Variants in FBH1 observed in about 807,000 individuals in gnomAD.
FBH1 encodes DNA 3'-5' helicase 1.
FBH1 carries 43 observed loss-of-function variants against 115.5 expected under a neutral mutation model. That is an observed-to-expected ratio of 0.37 (90% confidence interval 0.29 to 0.48). FBH1 has a LOEUF of 0.48. FBH1 is among the 20% of genes least tolerant of loss of function. The probability of loss-of-function intolerance (pLI) is 0.99; values close to 1 mark genes in which losing one functional copy is unlikely to be tolerated. For synonymous variants in FBH1, 524 were observed against 507.8 expected (o/e 1.03, Z -0.43); for missense variants, 1,001 against 1,337.3 (o/e 0.75, Z 3.92).
intron 3 of FBH1, among the ~76,000 whole-genome samples, chr10:5,907,297 G>A (rs1843756058): frequency 6.6e-6 from 1 of 151,904 alleles, no homozygotes; most frequent in African/African-American, 2.4e-5. Context: ...TTGAGTGTAA[G>A]CATTTATAGC....
intron 1 of FBH1, among the ~76,000 whole-genome samples, chr10:5,896,831 C>T (rs531248156): frequency 6.6e-6 from 1 of 152,218 alleles, no homozygotes; most frequent in South Asian, 2.1e-4. Context: ...ATGCCCTTTA[C>T]AGGAGGTGTA....
intron 3 of FBH1, among the ~76,000 whole-genome samples, chr10:5,907,494 GAC>G (rs1843778787): frequency 8.4e-6 from 1 of 118,396 alleles, no homozygotes; most frequent in South Asian, 2.9e-4. Flanking sequence ...TTTTTTTTGA[GAC>G]AGAGTCTTGC....
In FBH1 at chr10:5,909,508, A is replaced by C. The variant is rs189721299; in HGVS notation, c.1020+214A>C. The C allele has an allele frequency of 5.9e-6, 3 of 509,076 alleles. No individual in the cohort carries two copies. Among genetic ancestry groups the C allele is most frequent in the Non-Finnish European group, 9.9e-6 (3 of 302,960 alleles). The allele number at this position is 509,076 out of a possible 1,614,324, so 31.5% of individuals were successfully genotyped here. A position where few individuals can be genotyped will look rare whatever the true frequency, so the allele number is the denominator to read the frequency against. ...CTTAGATGTAGATGAAATTTTAACA[A>C]ATCATTTAGTCTGATTTCCCATTTG... On this transcript the variant is annotated intron_variant, in intron 5 of 20. Coordinates refer to ENST00000362091, the MANE Select transcript of FBH1 (RefSeq NM_178150.3). The surrounding 1 kb of genome is among the most constrained non-coding windows in gnomAD (Gnocchi z 4.4).
intron 13 of FBH1, among the ~76,000 whole-genome samples, chr10:5,919,890 C>T (rs1023496336): frequency 3.9e-5 from 6 of 152,164 alleles, no homozygotes; most frequent in African/African-American, 1.4e-4. Flanking sequence ...TCCCATATAT[C>T]CTGTACTCAG....
rs1442805861 is a variant in FBH1 at position 5,921,901 on chromosome 10, T to G, written c.2322+332T>G. On this transcript the variant is annotated intron_variant, in intron 15 of 20. Transcript: ENST00000362091. This position sits in a 1 kb window ranked among gnomAD's most constrained non-coding sequence, Gnocchi z 6.4. ...GTGTTGTCATTAGTGTGAGAACAGCTGAGCTGACAACACGCAGAGTACACA... is the reference window on the plus strand; with the variant it reads ...GTGTTGTCATTAGTGTGAGAACAGCGGAGCTGACAACACGCAGAGTACACA... 3.3e-5 allele frequency among the ~76,000 whole-genome samples: 5 copies of G among 152,232 alleles called. No homozygotes were observed. The highest frequency in any genetic ancestry group is 3.3e-4 in the Admixed American group (5 of 15,278).
rs992000335 is a variant in FBH1, at chr10:5,906,803, C to G, written c.753+171C>G. Among the ~76,000 whole-genome samples, 1 of 152,180 alleles carries G rather than the reference C, an allele frequency of 6.6e-6. No individual in the cohort carries two copies. Among genetic ancestry groups the G allele is most frequent in the South Asian group, 2.1e-4 (1 of 4,826 alleles). On this transcript the variant is annotated intron_variant, in intron 3 of 20. Coordinates refer to ENST00000362091, the MANE Select transcript of FBH1 (RefSeq NM_178150.3). The surrounding 1 kb of genome is among the most constrained non-coding windows in gnomAD (Gnocchi z 7.3). The stretch of plus-strand genomic sequence containing the variant: ...TCCGTGTCTGCCCCACCCTATGACT[C>G]TAGCCTCTTTGTTCACTTCCACTCA...
rs1832325186 is a variant in FBH1 at position 5,921,684 on chromosome 10, G to T, written c.2322+115G>T. 2 of 1,399,440 alleles carry T rather than the reference G, an allele frequency of 1.4e-6. No homozygotes were observed. Among genetic ancestry groups the T allele is most frequent in the African/African-American group, 3.0e-5 (2 of 67,662 alleles). 86.7% of individuals were successfully genotyped at this position (1,399,440 alleles called of 1,614,324 possible). On this transcript the variant is annotated intron_variant, in intron 15 of 20. Coordinates refer to ENST00000362091, the MANE Select transcript of FBH1 (RefSeq NM_178150.3). The surrounding 1 kb of genome is among the most constrained non-coding windows in gnomAD (Gnocchi z 6.4). ...CATGCAAGAAAGCATTTGGGTTTTT[G>T]ACTCTTTCCACCAGGCTGCACCATG...
chr10:5,921,379 CTCTTT>C lies in FBH1; in HGVS notation c.2200+24_2200+28del. The stretch of plus-strand genomic sequence containing the variant: ...CAGAGTAAGGCTTTTAGTTACTCTT[CTCTTT>C]TGTGTTACAAAAGTTTTCCTCTTTA... On this transcript the variant is annotated intron_variant, in intron 14 of 20. Transcript: ENST00000362091. This position sits in a 1 kb window ranked among gnomAD's most constrained non-coding sequence, Gnocchi z 6.4. 6.2e-7 allele frequency: 1 copy of C among 1,611,786 alleles called. No individual in the cohort carries two copies. Among genetic ancestry groups the C allele is most frequent in the Non-Finnish European group, 8.5e-7 (1 of 1,179,478 alleles).
In FBH1 at chr10:5,923,971, A is replaced by G. The variant is rs983006138; in HGVS notation, c.2398+275A>G. ...TGCATCCTTCTGTCTGCCTGGGCCA[A>G]TTTATACGTTGATACTTCCACGTGG... is the stretch of plus-strand genomic sequence containing the variant. On this transcript the variant is annotated intron_variant, in intron 16 of 20. Transcript: ENST00000362091. The surrounding 1 kb of genome is among the most constrained non-coding windows in gnomAD (Gnocchi z 5.7). 8.9e-6 allele frequency: 5 copies of G among 559,424 alleles called. No homozygotes were observed. The highest frequency in any genetic ancestry group is 6.0e-5 in the East Asian group (2 of 33,578). 34.7% of individuals were successfully genotyped at this position (559,424 alleles called of 1,614,324 possible). A position where few individuals can be genotyped will look rare whatever the true frequency, so the allele number is the denominator to read the frequency against.
chr10:5,915,017 C>G lies in FBH1; in HGVS notation c.1397-386C>G, dbSNP rs953141725. On this transcript the variant is annotated intron_variant, in intron 8 of 20. Transcript: ENST00000362091. This position sits in a 1 kb window ranked among gnomAD's most constrained non-coding sequence, Gnocchi z 5.2. ...TAGGTGGTGGAGGTGGAATTCAAAG[C>G]TGGACCTGTCTCTCTCCAGAGACAT... Among the ~76,000 whole-genome samples, 9 of 152,192 alleles carry G rather than the reference C, an allele frequency of 5.9e-5. No homozygotes were observed. Among genetic ancestry groups the G allele is most frequent in the Non-Finnish European group, 1.0e-4 (7 of 68,026 alleles).
chr10:5,892,871 C>T (rs1842812569), intron 1 of FBH1, among the ~76,000 whole-genome samples: 1 of 152,210 alleles, frequency 6.6e-6, no homozygotes, highest in Non-Finnish European at 1.5e-5. Flanking sequence ...TACTCTCAGG[C>T]CTTTGCCAAT....
chr10:5,891,562 C>G (rs1037425537), intron 1 of FBH1, among the ~76,000 whole-genome samples: 1 of 152,150 alleles, frequency 6.6e-6, no homozygotes, highest in Non-Finnish European at 1.5e-5. Context: ...TCTCTAGTTT[C>G]CCTGTTTTTT....
Position 5,921,592 on chromosome 10 carries a change from C to G in FBH1, c.2322+23C>G. The G allele has an allele frequency of 8.2e-6, 13 of 1,584,362 alleles. No homozygotes were observed. Among genetic ancestry groups the G allele is most frequent in the South Asian group, 5.9e-5 (5 of 85,044 alleles). ...GGGGTAAGAGTACATTTCTGTTGAC[C>G]ACTTCATGCACAGAAACGTTGTAGA... On this transcript the variant is annotated intron_variant, in intron 15 of 20. Transcript: ENST00000362091. This position sits in a 1 kb window ranked among gnomAD's most constrained non-coding sequence, Gnocchi z 6.4.
intron 2 of FBH1, chr10:5,905,081 T>G (rs887823012): frequency 6.6e-6 from 1 of 152,262 alleles, no homozygotes; most frequent in African/African-American, 2.4e-5. Flanking sequence ...TTTACATTTG[T>G]CTCAGAATCA....
In FBH1 at chr10:5,936,983, C is replaced by A; in HGVS notation, c.2962-127C>A. 1.8e-6 allele frequency: 2 copies of A among 1,108,690 alleles called. No individual in the cohort carries two copies. The highest frequency in any genetic ancestry group is 2.5e-6 in the Non-Finnish European group (2 of 790,958). 68.7% of individuals were successfully genotyped at this position (1,108,690 alleles called of 1,614,324 possible). On this transcript the variant is annotated intron_variant, in intron 20 of 20. Coordinates refer to ENST00000362091, the MANE Select transcript of FBH1 (RefSeq NM_178150.3). The surrounding 1 kb of genome is among the most constrained non-coding windows in gnomAD (Gnocchi z 5.6). Reference sequence around the variant, plus strand: ...GGTGTTACTCTGAGGATGTGCACCCCTCTGAAAACATCAGAATCCAAATGC... The same window carrying A: ...GGTGTTACTCTGAGGATGTGCACCCATCTGAAAACATCAGAATCCAAATGC...
At chr10:5,903,517 C>G (rs982204385) in intron 2 of FBH1, among the ~76,000 whole-genome samples, 2 of 151,484 alleles carry the variant, frequency 1.3e-5, no homozygotes, top group African/African-American at 4.9e-5. Context: ...TTAGTAGAGA[C>G]GGGGTTTCTC....
At position 5,900,395 on chromosome 10, in the gene FBH1, A is replaced by G. The variant is rs554416281; in HGVS notation, c.2-2625A>G. On this transcript the variant is annotated intron_variant, in intron 1 of 20. Transcript: ENST00000362091. This position sits in a 1 kb window ranked among gnomAD's most constrained non-coding sequence, Gnocchi z 4.2. ...TAGAGACCTGAGGTGCCCTGAAGCC[A>G]TAGAGCAACCAAGTGGCCAGCTGAG... 1.3e-5 allele frequency among the ~76,000 whole-genome samples: 2 copies of G among 152,368 alleles called. No homozygotes were observed. The highest frequency in any genetic ancestry group is 2.4e-5 in the African/African-American group (1 of 41,600).
chr10:5,902,847 C>A, intron 1 of FBH1, among the ~76,000 whole-genome samples, 173 bp from the exon 2 acceptor site: 1 of 147,066 alleles, frequency 6.8e-6, no homozygotes, highest in Non-Finnish European at 1.5e-5. Context: ...AAGAAAAATG[C>A]GAAGAAATTG....
chr10:5,906,480 G>C lies in FBH1; in HGVS notation c.601G>C (p.Gly201Arg). The change falls in exon 3 of 21, where the codon GGG (glycine) becomes CGG (arginine). Residue 201 changes from glycine to arginine, a missense_variant. Coordinates refer to ENST00000362091, the MANE Select transcript of FBH1 (RefSeq NM_178150.3). The surrounding 1 kb of genome is among the most constrained non-coding windows in gnomAD (Gnocchi z 7.3). ...PIPDSYYGLLGTLPCQEALSH... is the reference protein window; with the variant it reads ...PIPDSYYGLLRTLPCQEALSH... ...TCCTGACTCATACTATGGGCTTCTTGGGACCTTGCCCTGCCAGGAAGCACT... is the reference window on the plus strand; with the variant it reads ...TCCTGACTCATACTATGGGCTTCTTCGGACCTTGCCCTGCCAGGAAGCACT... 3 of 1,614,114 alleles carry C rather than the reference G, an allele frequency of 1.9e-6. No homozygotes were observed. In the South Asian group the frequency reaches 3.3e-5, roughly 18 times the overall value.
Sources: gnomAD v4.1 joint callset for allele counts (sites outside exome capture counted in the v4.1 genomes callset) on GRCh38, gnomAD v4.1.1 for gene constraint, Gnocchi (gnomAD v3.1) non-coding constraint, MANE v1.5 for transcripts, NCBI Gene and HGNC (gene_info 2026-07-23, HGNC 2026-07-21) for gene names.